The following RSBN1L variants were observed in gnomAD, a reference collection of about 807,000 sequenced individuals.
RSBN1L encodes lysine-specific demethylase RSBN1L.
Under a neutral mutation model 67.7 loss-of-function variants are expected in RSBN1L, and 30 were observed. That is an observed-to-expected ratio of 0.44 (90% confidence interval 0.33 to 0.60). RSBN1L has a LOEUF of 0.60. Ranked by LOEUF, RSBN1L falls within the 20% of genes least tolerant of loss-of-function variation. RSBN1L has a pLI of 0.02. For missense variants in RSBN1L, 992 were observed against 1,031.7 expected (o/e 0.96, Z 0.53); for synonymous variants, 433 against 387.0 (o/e 1.12, Z -1.39).
intron 3 of RSBN1L, among the ~76,000 whole-genome samples, chr7:77,764,438 G>A (rs1426467520): frequency 6.6e-6 from 1 of 152,096 alleles, no homozygotes; most frequent in African/African-American, 2.4e-5. Flanking sequence ...CTCTTTGAAT[G>A]CCACCCATTT....
intron 1 of RSBN1L, among the ~76,000 whole-genome samples, chr7:77,703,110 C>A (rs1790840216): frequency 6.6e-6 from 1 of 152,152 alleles, no homozygotes; most frequent in Non-Finnish European, 1.5e-5. Context: ...TCATTCATTT[C>A]ATAAGTTTTT....
At position 77,733,734 on chromosome 7, in the gene RSBN1L, T is replaced by C. The variant is rs541804682; in HGVS notation, c.587-2676T>C. Reference sequence around the variant, plus strand: ...AAAATAATTGAGTCATAGTGTATGATAGTTTTATTTCCCTAGAAGCTAGTT... The same window carrying C: ...AAAATAATTGAGTCATAGTGTATGACAGTTTTATTTCCCTAGAAGCTAGTT... On this transcript the variant is annotated intron_variant, in intron 1 of 7. Transcript: ENST00000334955. Among the ~76,000 whole-genome samples, 173 of 152,318 alleles carry C rather than the reference T, an allele frequency of 1.1e-3. 1 individual carries two copies. The highest frequency in any genetic ancestry group is 4.0e-3 in the African/African-American group (168 of 41,584).
intron 5 of RSBN1L, among the ~76,000 whole-genome samples, chr7:77,771,123 G>A (rs1791843443): frequency 6.6e-6 from 1 of 152,114 alleles, no homozygotes; most frequent in African/African-American, 2.4e-5. Context: ...TGTATTTTCA[G>A]TAGAGATGGT....
At chr7:77,712,215 G>GTA (rs34990516) in intron 1 of RSBN1L, among the ~76,000 whole-genome samples, 27,178 of 151,438 alleles carry the variant, frequency 0.18, 2,935 homozygotes, top group African/African-American at 0.3. Flanking sequence ...TTTTCACTTA[G>GTA]TATATACATG....
intron 4 of RSBN1L, among the ~76,000 whole-genome samples, chr7:77,766,004 A>G (rs1791761618): frequency 6.6e-6 from 1 of 152,224 alleles, no homozygotes; most frequent in Non-Finnish European, 1.5e-5. Flanking sequence ...TCTACTACAA[A>G]TGTTTAAGAC....
chr7:77,704,589 A>G (rs1418105656), intron 1 of RSBN1L, among the ~76,000 whole-genome samples: 1 of 152,214 alleles, frequency 6.6e-6, no homozygotes, highest in Non-Finnish European at 1.5e-5. Context: ...TTTTGGCTCT[A>G]GCATTTTAAA....
At chr7:77,741,709 AAAG>A (rs1465846860) in intron 2 of RSBN1L, among the ~76,000 whole-genome samples, 5 of 151,904 alleles carry the variant, frequency 3.3e-5, no homozygotes, top group African/African-American at 1.2e-4. Context: ...AAAAAAAAGA[AAAG>A]AAAAGAATTA....
chr7:77,774,045 A>T (rs1791880245), intron 6 of RSBN1L, among the ~76,000 whole-genome samples: 1 of 152,206 alleles, frequency 6.6e-6, no homozygotes, highest in Admixed American at 6.5e-5. Flanking sequence ...GACTGATTTC[A>T]ATCTGATTCC....
chr7:77,714,082 T>C (rs1248979410), intron 1 of RSBN1L, among the ~76,000 whole-genome samples: 1 of 152,210 alleles, frequency 6.6e-6, no homozygotes, highest in Non-Finnish European at 1.5e-5. Context: ...TTTTTAGATT[T>C]GCACTTTTTT....
intron 1 of RSBN1L, among the ~76,000 whole-genome samples, chr7:77,718,851 A>G (rs532446540): frequency 2.5e-4 from 38 of 152,276 alleles, no homozygotes; most frequent in Non-Finnish European, 4.6e-4. Context: ...CGCAGTGTTG[A>G]CTGGAGTTGC....
chr7:77,706,003 C>A (rs570670404), intron 1 of RSBN1L, among the ~76,000 whole-genome samples: 1 of 151,592 alleles, frequency 6.6e-6, no homozygotes, highest in Non-Finnish European at 1.5e-5. Flanking sequence ...CAGGTTCAAG[C>A]GATTCCTGCC....
At position 77,780,182 on chromosome 7, in the gene RSBN1L, T is replaced by C. The variant is rs1791981173; in HGVS notation, c.*1014T>C. On this transcript the variant is annotated 3_prime_UTR_variant, in exon 8 of 8. Transcript: ENST00000334955. ...TCAGTTAAGAAAGTGTGCATCTGCGTGTGTGTGAATGTGTATATATATGTA... is the reference window on the plus strand; with the variant it reads ...TCAGTTAAGAAAGTGTGCATCTGCGCGTGTGTGAATGTGTATATATATGTA... The C allele has an allele frequency of 6.6e-6, 1 of 152,044 alleles. No individual in the cohort carries two copies. Among genetic ancestry groups the C allele is most frequent in the South Asian group, 2.1e-4 (1 of 4,828 alleles). The allele number at this position is 152,044 out of a possible 1,614,324, so 9.4% of individuals were successfully genotyped here.
intron 6 of RSBN1L, 32 bp downstream of exon 6, chr7:77,773,346 A>G: frequency 7.2e-7 from 1 of 1,380,812 alleles, no homozygotes; most frequent in Non-Finnish European, 9.5e-7. Flanking sequence ...TTAATGAAAG[A>G]ATTTCTTGGC....
chr7:77,756,008 A>C (rs61570974), intron 3 of RSBN1L, among the ~76,000 whole-genome samples: 19,444 of 152,214 alleles, frequency 0.13, 2,494 homozygotes, highest in East Asian at 0.68. Context: ...TGCCTTTTAT[A>C]TTCTGAAAAA....
intron 3 of RSBN1L, among the ~76,000 whole-genome samples, chr7:77,757,136 C>T (rs1791630293): frequency 6.6e-6 from 1 of 152,302 alleles, no homozygotes; most frequent in East Asian, 1.9e-4. Context: ...GTAGCTGTTT[C>T]TATGATTTTT....
chr7:77,764,343 C>A (rs1236924661), intron 3 of RSBN1L, among the ~76,000 whole-genome samples: 3 of 152,188 alleles, frequency 2.0e-5, no homozygotes, highest in Non-Finnish European at 4.4e-5. Context: ...TATGAAAACA[C>A]ATAGGTTTCT....
At chr7:77,742,238 AAAAAT>A (rs1482514693) in intron 2 of RSBN1L, among the ~76,000 whole-genome samples, 1 of 151,062 alleles carries the variant, frequency 6.6e-6, no homozygotes, top group Non-Finnish European at 1.5e-5. Flanking sequence ...CCATCTTTAA[AAAAAT>A]ATACAGACAC....
intron 1 of RSBN1L, among the ~76,000 whole-genome samples, chr7:77,714,147 T>C (rs1351566398): frequency 1.3e-5 from 2 of 152,222 alleles, no homozygotes; most frequent in East Asian, 3.8e-4. Flanking sequence ...TTACTCTATC[T>C]TTAGGATAGA....
intron 6 of RSBN1L, among the ~76,000 whole-genome samples, chr7:77,777,870 A>C (rs1184448463): frequency 6.6e-6 from 1 of 152,102 alleles, no homozygotes; most frequent in African/African-American, 2.4e-5. Flanking sequence ...TTTCCAATGA[A>C]GTCTCTTAAT....
Sources: allele counts gnomAD v4.1 joint callset (sites outside exome capture counted in the v4.1 genomes callset), GRCh38; gene constraint gnomAD v4.1.1; transcripts MANE v1.5; gene names NCBI Gene and HGNC (gene_info 2026-07-23, HGNC 2026-07-21).